The following LRSAM1 variants were observed in gnomAD, a reference collection of about 807,000 sequenced individuals.
The protein encoded by LRSAM1 is E3 ubiquitin-protein ligase LRSAM1.
In LRSAM1, 96 loss-of-function variants were observed where a neutral mutation model predicts 118.1. The observed-to-expected ratio is 0.81, with a 90% CI of 0.69 to 0.96. The LOEUF (loss-of-function observed/expected upper bound fraction) is 0.96, where lower values mean the gene tolerates loss of function less well. LRSAM1 is among the 40% of genes least tolerant of loss of function. The pLI is 0.00. For synonymous variants in LRSAM1, 322 were observed against 364.2 expected, an observed-to-expected ratio of 0.88 and a Z score of 1.32; for missense variants, 804 against 915.5, an observed-to-expected ratio of 0.88 and a Z score of 1.57.
intron 24 of LRSAM1, among the ~76,000 whole-genome samples, chr9:127,500,398 C>T (rs1836340859): frequency 6.8e-6 from 1 of 147,868 alleles, no homozygotes; most frequent in South Asian, 2.1e-4. Flanking sequence ...TTTGTAAGGG[C>T]TGCTTCTGAT....
intron 9 of LRSAM1, 59 bp downstream of exon 9, chr9:127,462,432 C>G: frequency 6.2e-7 from 1 of 1,611,644 alleles, no homozygotes; most frequent in Non-Finnish European, 8.5e-7. Flanking sequence ...TCCCCTCTCT[C>G]CCACATTACT....
intron 17 of LRSAM1, among the ~76,000 whole-genome samples, chr9:127,487,143 C>G (rs376788441): frequency 6.7e-4 from 101 of 150,596 alleles, no homozygotes; most frequent in African/African-American, 2.4e-3. Context: ...ACGATCACAC[C>G]ACTGCACTCC....
chr9:127,454,072 G>C (rs367563135), intron 2 of LRSAM1: 2 of 270,492 alleles, frequency 7.4e-6, no homozygotes, highest in Admixed American at 5.7e-5. Context: ...CCCTGCCCCC[G>C]TGGAACTCAC....
chr9:127,501,212 G>A, intron 25 of LRSAM1, 69 bp downstream of exon 25: 1 of 1,574,054 alleles, frequency 6.4e-7, no homozygotes, highest in Non-Finnish European at 8.6e-7. Flanking sequence ...TGCAGGTACA[G>A]GGTTGTCTCT....
intron 19 of LRSAM1, 58 bp from the exon 20 acceptor site, chr9:127,491,157 C>A: frequency 2.1e-6 from 3 of 1,458,290 alleles, no homozygotes; most frequent in Non-Finnish European, 2.9e-6. Context: ...AGTAGCAGCA[C>A]AAAACTGAAC....
In LRSAM1 at chr9:127,465,283, G is replaced by A. The variant is rs774062037; in HGVS notation, c.529-2457G>A. Among the ~76,000 whole-genome samples, 1 of 152,226 alleles carries A rather than the reference G, an allele frequency of 6.6e-6. No individual in the cohort carries two copies. Among genetic ancestry groups the A allele is most frequent in the African/African-American group, 2.4e-5 (1 of 41,456 alleles). On this transcript the variant is annotated intron_variant, in intron 9 of 25. Transcript: ENST00000300417. The surrounding 1 kb of genome is among the most constrained non-coding windows in gnomAD (Gnocchi z 4.1). Reference sequence around the variant, plus strand: ...GCTGCCCACGATGAGAATGCTCTATGATCTGTGCAGCCAACATGGCCACCC... The same window carrying A: ...GCTGCCCACGATGAGAATGCTCTATAATCTGTGCAGCCAACATGGCCACCC...
rs1293660557 is a variant in LRSAM1, at chr9:127,481,231, A to C, written c.1088+4A>C. 1 of 1,612,758 alleles carries C rather than the reference A, an allele frequency of 6.2e-7. No homozygotes were observed. The highest frequency in any genetic ancestry group is 8.5e-7 in the Non-Finnish European group (1 of 1,179,648). On this transcript the variant is annotated splice_donor_region_variant and intron_variant, in intron 15 of 25. Coordinates refer to ENST00000300417, the MANE Select transcript of LRSAM1 (RefSeq NM_001005373.4). ...TGAAATCGCTGGAAAATGAAAGGTA[A>C]GTGTTCTTCCAGGGGAGGGCAGCAT... is the stretch of plus-strand genomic sequence containing the variant.
At chr9:127,489,651 G>A in intron 19 of LRSAM1, 133 bp downstream of exon 19, 4 of 1,009,930 alleles carry the variant, frequency 4.0e-6, no homozygotes, top group East Asian at 2.6e-5. Context: ...AGAGGTCGAG[G>A]CCTTGCCCTC....
At chr9:127,461,364 C>A (rs567386621) in intron 8 of LRSAM1, 107 bp downstream of exon 8, 122 of 939,336 alleles carry the variant, frequency 1.3e-4, no homozygotes, top group Admixed American at 2.7e-4. Flanking sequence ...GGAGGGCAGC[C>A]AGTCTCCGGG....
At chr9:127,478,185 GT>G (rs1835408774) in intron 11 of LRSAM1, among the ~76,000 whole-genome samples, 1 of 151,882 alleles carries the variant, frequency 6.6e-6, no homozygotes, top group Admixed American at 6.6e-5. Context: ...CCTGCTCCTT[GT>G]TATAAATTTA....
rs767202684 is a variant in LRSAM1, at chr9:127,502,919, G to GCCTGGT, written c.*24_*29dup. On this transcript the variant is annotated 3_prime_UTR_variant, in exon 26 of 26. Transcript: ENST00000300417. Reference sequence around the variant, plus strand: ...AGCTGAGTGCTGCCCGCCCACCTGGGCCTGGTCCTAGCCCTGCCTCGGCCA... The same window carrying GCCTGGT: ...AGCTGAGTGCTGCCCGCCCACCTGGGCCTGGTCCTGGTCCTAGCCCTGCCTCGGCCA... 38 of 1,579,610 alleles carry GCCTGGT rather than the reference G, an allele frequency of 2.4e-5. No homozygotes were observed. The highest frequency in any genetic ancestry group is 2.7e-5 in the Non-Finnish European group (31 of 1,164,306).
rs1836447783 is a variant in LRSAM1 at position 127,502,840 on chromosome 9, A to G, written c.2113A>G (p.Thr705Ala). 6.2e-7 allele frequency: 1 copy of G among 1,611,906 alleles called. No homozygotes were observed. The highest frequency in any genetic ancestry group is 1.1e-5 in the South Asian group (1 of 90,898). ...CCQQCCQPLR[T>A]CPLCRQDIAQ... ...CCAGCAGTGCTGCCAGCCACTGCGCACCTGCCCGCTGTGCCGCCAGGACAT... is the reference window on the plus strand; with the variant it reads ...CCAGCAGTGCTGCCAGCCACTGCGCGCCTGCCCGCTGTGCCGCCAGGACAT... The change falls in exon 26 of 26, where the codon ACC becomes GCC. Residue 705 changes from threonine to alanine, a missense_variant. By Grantham distance (58) the Thr-to-Ala change is moderately conservative. Transcript: ENST00000300417.
Position 127,458,994 on chromosome 9 carries a change from C to T in LRSAM1, c.253-9C>T, listed in dbSNP as rs199925705. On this transcript the variant is annotated splice_polypyrimidine_tract_variant and intron_variant, in intron 6 of 25. Transcript: ENST00000300417. ...CACTTGGAGACTCACAGGGGTCTTT[C>T]TTCTGCAGGTTCTAGATCTCCACGA... is the stretch of plus-strand genomic sequence containing the variant. 102 of 1,613,402 alleles carry T rather than the reference C, an allele frequency of 6.3e-5. No individual in the cohort carries two copies. Among genetic ancestry groups the T allele is most frequent in the Non-Finnish European group, 8.6e-5 (102 of 1,180,002 alleles).
At chr9:127,495,149 C>T (rs1836079752) in intron 21 of LRSAM1, among the ~76,000 whole-genome samples, 171 bp from the exon 22 acceptor site, 1 of 152,032 alleles carries the variant, frequency 6.6e-6, no homozygotes, top group Admixed American at 6.6e-5. Flanking sequence ...TGGGGGGTTT[C>T]TCCATGTTGG....
chr9:127,471,970 A>ATT (rs563007844), intron 10 of LRSAM1, among the ~76,000 whole-genome samples: 1 of 146,742 alleles, frequency 6.8e-6, no homozygotes, highest in Non-Finnish European at 1.5e-5. Context: ...GCAAGAAATA[A>ATT]TTTTTTTTTT....
intron 15 of LRSAM1, 79 bp downstream of exon 15, chr9:127,481,306 G>C: frequency 6.7e-7 from 1 of 1,494,562 alleles, no homozygotes; most frequent in Admixed American, 1.7e-5. Context: ...AGGCTGGAGT[G>C]CAGTGGCACA....
intron 12 of LRSAM1, 45 bp from the exon 13 acceptor site, chr9:127,479,338 C>A: frequency 6.2e-7 from 1 of 1,613,610 alleles, no homozygotes; most frequent in South Asian, 1.1e-5. Flanking sequence ...TGTCCTAACT[C>A]CCCCAGGGCC....
intron 6 of LRSAM1, among the ~76,000 whole-genome samples, chr9:127,458,465 A>C (rs1230757839): frequency 9.2e-5 from 14 of 151,942 alleles, no homozygotes; most frequent in Admixed American, 9.2e-4. Context: ...TTGTAATCCC[A>C]GCTACTTGGG....
intron 11 of LRSAM1, among the ~76,000 whole-genome samples, chr9:127,478,449 C>T (rs1835416563): frequency 1.3e-5 from 2 of 152,338 alleles, no homozygotes; most frequent in South Asian, 4.1e-4. Context: ...TATGGATGCA[C>T]CATGACTTAC....
Sources: allele counts gnomAD v4.1 joint callset (sites outside exome capture counted in the v4.1 genomes callset), GRCh38; gene constraint gnomAD v4.1.1; non-coding constraint Gnocchi (gnomAD v3.1); transcripts MANE v1.5; gene names NCBI Gene and HGNC (gene_info 2026-07-23, HGNC 2026-07-21).